The following PARP14 variants were observed in gnomAD, a reference collection of about 807,000 sequenced individuals.
PARP14 encodes poly(ADP-ribose) polymerase family member 14.
Under a neutral mutation model 154.2 loss-of-function variants are expected in PARP14, and 59 were observed. The observed-to-expected ratio is 0.38, with a 90% CI of 0.31 to 0.48. PARP14 has a LOEUF of 0.48. Ranked by LOEUF, PARP14 falls within the 20% of genes least tolerant of loss-of-function variation. The probability of loss-of-function intolerance (pLI) is 0.98; values close to 1 mark genes in which losing one functional copy is unlikely to be tolerated. For synonymous variants in PARP14, 720 were observed against 780.5 expected (o/e 0.92, Z 1.29); for missense variants, 1,734 against 2,131.6 (o/e 0.81, Z 3.67).
intron 3 of PARP14, among the ~76,000 whole-genome samples, chr3:122,691,744 T>G (rs961592963): frequency 6.6e-6 from 1 of 152,168 alleles, no homozygotes; most frequent in African/African-American, 2.4e-5. Flanking sequence ...ATAATTTTAG[T>G]CTGGTGCTGT....
intron 5 of PARP14, among the ~76,000 whole-genome samples, chr3:122,698,852 A>G (rs2107642750): frequency 6.6e-6 from 1 of 152,324 alleles, no homozygotes; most frequent in East Asian, 1.9e-4. Context: ...AAGAACAAAT[A>G]GCATAATACT....
At position 122,718,328 on chromosome 3, in the gene PARP14, G is replaced by A. The variant is rs571993872; in HGVS notation, c.4208-31G>A. Reference sequence around the variant, plus strand: ...CATGTTCATAACGTTGATGTCACATGTGAAATACCTAATCTTCCTTTTCTT... The same window carrying A: ...CATGTTCATAACGTTGATGTCACATATGAAATACCTAATCTTCCTTTTCTT... On this transcript the variant is annotated intron_variant, in intron 13 of 16. Coordinates refer to ENST00000474629, the MANE Select transcript of PARP14 (RefSeq NM_017554.3). The A allele has an allele frequency of 1.9e-5, 30 of 1,611,870 alleles. No homozygotes were observed. The South Asian group carries it at 3.3e-4, about 18-fold the overall frequency.
chr3:122,685,695 A>T (rs1385168076), intron 2 of PARP14, among the ~76,000 whole-genome samples: 1 of 152,028 alleles, frequency 6.6e-6, no homozygotes, highest in East Asian at 1.9e-4. Flanking sequence ...TTTTTAGTAG[A>T]GACGGGGTTT....
At chr3:122,720,954 C>G (rs1370171854) in intron 15 of PARP14, 2 of 344,056 alleles carry the variant, frequency 5.8e-6, no homozygotes, top group African/African-American at 4.5e-5. Context: ...ATAAAAACAA[C>G]CAATTATTTT....
intron 3 of PARP14, among the ~76,000 whole-genome samples, chr3:122,689,041 A>G (rs1938462060): frequency 6.6e-6 from 1 of 152,208 alleles, no homozygotes; most frequent in African/African-American, 2.4e-5. Context: ...GGGCAAGAGC[A>G]GAGAAATACT....
intron 12 of PARP14, among the ~76,000 whole-genome samples, chr3:122,716,204 G>A (rs1421923546): frequency 6.6e-6 from 1 of 152,144 alleles, no homozygotes; most frequent in Non-Finnish European, 1.5e-5. Flanking sequence ...GAGATTAGGT[G>A]GTTAGCAATA....
At position 122,701,083 on chromosome 3, in the gene PARP14, T is replaced by G. The variant is rs910545176; in HGVS notation, c.2529T>G (p.Pro843=). 2 of 1,613,796 alleles carry G rather than the reference T, an allele frequency of 1.2e-6. No individual in the cohort carries two copies. The highest frequency in any genetic ancestry group is 1.7e-6 in the Non-Finnish European group (2 of 1,179,666). ...LAAALSKAAG[P]ELQADCDQIV... ...CTGCGCTCTCAAAAGCAGCTGGCCC[T>G]GAGCTCCAGGCCGACTGTGACCAGA... The change falls in exon 6 of 17, where the codon CCT becomes CCG. Residue 843 remains proline, a synonymous_variant. Transcript: ENST00000474629. This position sits in a 1 kb window ranked among gnomAD's most constrained non-coding sequence, Gnocchi z 4.0.
chr3:122,687,423 C>A (rs1245472972), intron 3 of PARP14, among the ~76,000 whole-genome samples: 1 of 152,196 alleles, frequency 6.6e-6, no homozygotes, highest in Non-Finnish European at 1.5e-5. Context: ...TTGTGCTGAG[C>A]CAGCCATAGA....
chr3:122,695,505 G>A lies in PARP14; in HGVS notation c.678G>A (p.Val226=). 1 of 1,610,300 alleles carries A rather than the reference G, an allele frequency of 6.2e-7. No individual in the cohort carries two copies. Among genetic ancestry groups the A allele is most frequent in the Non-Finnish European group, 8.5e-7 (1 of 1,177,670 alleles). ...AGCTTTCTCCAAGACTTCTGGAAGT[G>A]ACAAACACAATCAGGGTTGAAAACC... is the stretch of plus-strand genomic sequence containing the variant. ...QLQLSPRLLE[V]TNTIRVENLP... is the part of the protein sequence containing the mutation. The change falls in exon 5 of 17, where the codon GTG becomes GTA. Residue 226 remains valine (V), a synonymous_variant. Transcript: ENST00000474629.
In PARP14 at chr3:122,680,888, C is replaced by A; in HGVS notation, c.5C>A (p.Ala2Asp). 1.2e-6 allele frequency: 2 copies of A among 1,602,906 alleles called. No individual in the cohort carries two copies. The highest frequency in any genetic ancestry group is 1.7e-6 in the Non-Finnish European group (2 of 1,175,118). MAVPGSFPLLVE... is the reference protein window; with the variant it reads MDVPGSFPLLVE... The stretch of plus-strand genomic sequence containing the variant: ...CGGCGGAGAGCGGAGCTGAGGATGG[C>A]TGTGCCCGGCTCCTTCCCGCTGCTG... The change falls in exon 1 of 17, where the codon GCT (alanine) becomes GAT (aspartate). Residue 2 changes from alanine to aspartate, a missense_variant. Physicochemically the swap from Ala to Asp is moderately radical, Grantham distance 126. This residue lies in a region of PARP14 where 1,646 missense variants were observed against 1,976.0 expected (regional missense o/e 0.83). Coordinates refer to ENST00000474629, the MANE Select transcript of PARP14 (RefSeq NM_017554.3).
chr3:122,691,228 G>GT (rs574907242), intron 3 of PARP14, among the ~76,000 whole-genome samples: 8 of 152,212 alleles, frequency 5.3e-5, no homozygotes, highest in Middle Eastern at 6.8e-3. Context: ...CTTAACTAAT[G>GT]TTTTTTTATA....
intron 4 of PARP14, among the ~76,000 whole-genome samples, chr3:122,693,345 C>T (rs1938599277): frequency 6.6e-6 from 1 of 152,340 alleles, no homozygotes; most frequent in South Asian, 2.1e-4. Context: ...TAAGCCTTCA[C>T]TATTCCATGG....
At chr3:122,718,314 C>T (rs552082235) in intron 13 of PARP14, 37 bp downstream of exon 13, 32 of 1,611,628 alleles carry the variant, frequency 2.0e-5, no homozygotes, top group South Asian at 6.6e-5. Context: ...ATGTTCATAA[C>T]GTTGATGTCA....
intron 2 of PARP14, among the ~76,000 whole-genome samples, chr3:122,686,260 C>A (rs1018987302): frequency 4.0e-5 from 6 of 151,748 alleles, no homozygotes; most frequent in Non-Finnish European, 8.8e-5. Context: ...CTTAGGTGAT[C>A]CTCCTACCTC....
chr3:122,720,927 T>C (rs1365501907), intron 15 of PARP14: 1 of 426,610 alleles, frequency 2.3e-6, no homozygotes, highest in Non-Finnish European at 4.7e-6. Flanking sequence ...GGTAACATAG[T>C]GAGATCCTGC....
chr3:122,681,082 G>A lies in PARP14; in HGVS notation c.187+12G>A, dbSNP rs769472831. On this transcript the variant is annotated intron_variant, in intron 1 of 16. Coordinates refer to ENST00000474629, the MANE Select transcript of PARP14 (RefSeq NM_017554.3). The surrounding 1 kb of genome is among the most constrained non-coding windows in gnomAD (Gnocchi z 5.5). The stretch of plus-strand genomic sequence containing the variant: ...CTACCCGGAGGACGGTGAGGGGCGC[G>A]AGGGGTGGGGTGAGGAGGGGGCACC... 2.5e-6 allele frequency: 4 copies of A among 1,603,632 alleles called. No homozygotes were observed. The highest frequency in any genetic ancestry group is 3.4e-6 in the Non-Finnish European group (4 of 1,171,022).
In PARP14 at chr3:122,680,943, G is replaced by A. The variant is rs1938184117; in HGVS notation, c.60G>A (p.Pro20=). The stretch of plus-strand genomic sequence containing the variant: ...AGGGCTCCTGGGGCCCCGACCCCCC[G>A]AAGAACTTGAACACCAAGTTGCAGA... The part of the protein sequence containing the change: ...LVEGSWGPDP[P]KNLNTKLQMY... Residue 20 remains proline, a synonymous_variant, in exon 1 of 17, where the codon CCG becomes CCA. Transcript: ENST00000474629. 5 of 1,613,320 alleles carry A rather than the reference G, an allele frequency of 3.1e-6. No individual in the cohort carries two copies. Among genetic ancestry groups the A allele is most frequent in the East Asian group, 2.2e-5 (1 of 44,834 alleles).
intron 9 of PARP14, among the ~76,000 whole-genome samples, chr3:122,708,636 T>C (rs1939232810): frequency 6.6e-6 from 1 of 152,236 alleles, no homozygotes; most frequent in Admixed American, 6.5e-5. Context: ...CTGTTTGAGT[T>C]TCACCGAGGC....
At chr3:122,724,796 G>A (rs549623672) in intron 15 of PARP14, among the ~76,000 whole-genome samples, 6 of 152,156 alleles carry the variant, frequency 3.9e-5, no homozygotes, top group African/African-American at 9.6e-5. Flanking sequence ...AGATCCCTGC[G>A]GCCTTCCGCA....
Sources: gnomAD v4.1 joint callset for allele counts (sites outside exome capture counted in the v4.1 genomes callset) on GRCh38, gnomAD v4.1.1 for gene constraint, gnomAD v4.1.1 regional missense constraint, Gnocchi (gnomAD v3.1) non-coding constraint, MANE v1.5 for transcripts, NCBI Gene and HGNC (gene_info 2026-07-23, HGNC 2026-07-21) for gene names.